The following SUPT3H variants were observed in gnomAD, a reference collection of about 807,000 sequenced individuals.
SUPT3H encodes transcription initiation protein SPT3 homolog.
Under a neutral mutation model 44.3 loss-of-function variants are expected in SUPT3H, and 44 were observed. That is an observed-to-expected ratio of 0.99 (90% CI 0.78 to 1.28). SUPT3H has a LOEUF of 1.28. Among genes scored for constraint, SUPT3H ranks in the 50% most tolerant of loss-of-function variants. The pLI is 0.00. For missense variants in SUPT3H, 380 were observed against 387.1 expected (o/e 0.98, Z 0.15); for synonymous variants, 124 against 125.6 (o/e 0.99, Z 0.09).
chr6:45,182,536 A>G (rs1813464146), intron 2 of SUPT3H, among the ~76,000 whole-genome samples: 1 of 152,252 alleles, frequency 6.6e-6, no homozygotes, highest in African/African-American at 2.4e-5. Context: ...GGCTGGGATT[A>G]CAGGCGTGAG....
rs1379646364 is a variant in SUPT3H, at chr6:44,870,046, A to G, written c.913-40189T>C. 2.0e-5 allele frequency among the ~76,000 whole-genome samples: 3 copies of G among 152,102 alleles called. No individual in the cohort carries two copies. The East Asian group carries it at 5.8e-4, about 29-fold the overall frequency. On this transcript the variant is annotated intron_variant, in intron 10 of 10. Transcript: ENST00000371459. ...CCAGTCTTTTGCCAATTATCAGCCA[A>G]TTTTGCTTTTTTTCCCCCAAAGAAT...
At chr6:45,308,738 T>C (rs1415712817) in intron 2 of SUPT3H, among the ~76,000 whole-genome samples, 1 of 94,210 alleles carries the variant, frequency 1.1e-5, no homozygotes, top group Non-Finnish European at 2.1e-5. Flanking sequence ...ACTTAAAGTA[T>C]AACAAAAAAA....
chr6:44,987,291 C>CG (rs1582914551), intron 6 of SUPT3H, among the ~76,000 whole-genome samples: 1 of 104,774 alleles, frequency 9.5e-6, no homozygotes, highest in East Asian at 2.8e-4. Flanking sequence ...ATAAATTGGG[C>CG]GGGGGGTGGG....
chr6:45,150,417 G>C (rs971863565), intron 2 of SUPT3H, among the ~76,000 whole-genome samples: 1 of 151,974 alleles, frequency 6.6e-6, no homozygotes, highest in East Asian at 1.9e-4. Context: ...GCTATCATAC[G>C]AAATACACAA....
At chr6:45,301,285 G>A (rs886570674) in intron 2 of SUPT3H, among the ~76,000 whole-genome samples, 1 of 152,198 alleles carries the variant, frequency 6.6e-6, no homozygotes, top group African/African-American at 2.4e-5. Context: ...TGGAAACACA[G>A]AGCAGGTACA....
chr6:44,972,912 T>C (rs1364076199), intron 6 of SUPT3H, among the ~76,000 whole-genome samples: 1 of 152,176 alleles, frequency 6.6e-6, no homozygotes, highest in African/African-American at 2.4e-5. Flanking sequence ...CATTTTTTCC[T>C]CCTACGCCTC....
At chr6:45,085,865 G>A (rs781518317) in intron 3 of SUPT3H, among the ~76,000 whole-genome samples, 6 of 151,904 alleles carry the variant, frequency 3.9e-5, no homozygotes, top group South Asian at 4.2e-4. Context: ...GGTATTACAC[G>A]AATTATAAAA....
chr6:45,014,054 G>A (rs998526425), intron 5 of SUPT3H, among the ~76,000 whole-genome samples: 3 of 151,974 alleles, frequency 2.0e-5, no homozygotes, highest in African/African-American at 4.8e-5. Flanking sequence ...GTTTCACTGG[G>A]GAGAGACTCT....
At chr6:45,348,735 A>G (rs1791436394) in intron 2 of SUPT3H, among the ~76,000 whole-genome samples, 1 of 152,006 alleles carries the variant, frequency 6.6e-6, no homozygotes, top group Non-Finnish European at 1.5e-5. Context: ...TAAATGAAAT[A>G]ATATATAGGA....
intron 2 of SUPT3H, among the ~76,000 whole-genome samples, chr6:45,327,216 G>A (rs1786504812): frequency 6.6e-6 from 1 of 151,748 alleles, no homozygotes; most frequent in Non-Finnish European, 1.5e-5. Flanking sequence ...TCTGTCTGTG[G>A]GCATTATTCC....
chr6:45,367,030 G>C (rs1795247240), intron 1 of SUPT3H, among the ~76,000 whole-genome samples: 1 of 152,176 alleles, frequency 6.6e-6, no homozygotes, highest in Non-Finnish European at 1.5e-5. Flanking sequence ...GGCTGAGATG[G>C]AAGGGCTGGG....
intron 2 of SUPT3H, among the ~76,000 whole-genome samples, chr6:45,190,406 G>C (rs1020877129): frequency 6.6e-6 from 1 of 151,842 alleles, no homozygotes; most frequent in Non-Finnish European, 1.5e-5. Context: ...CCAAGAATAA[G>C]ATAAACCAAA....
intron 2 of SUPT3H, among the ~76,000 whole-genome samples, chr6:45,315,431 G>GA (rs1208921106): frequency 6.6e-5 from 10 of 151,804 alleles, no homozygotes; most frequent in African/African-American, 2.4e-4. Context: ...AAATCAACAA[G>GA]AAAAATCAAT....
At chr6:44,868,551 G>C (rs1334091251) in intron 10 of SUPT3H, among the ~76,000 whole-genome samples, 1 of 131,690 alleles carries the variant, frequency 7.6e-6, no homozygotes, top group Non-Finnish European at 1.8e-5. Flanking sequence ...ATTTTGTCAT[G>C]CTATGGACTC....
intron 3 of SUPT3H, among the ~76,000 whole-genome samples, chr6:45,021,035 T>C (rs1424380809): frequency 6.6e-6 from 1 of 151,896 alleles, no homozygotes; most frequent in African/African-American, 2.4e-5. Context: ...CTGCTCTGAT[T>C]TGAAATAGGC....
chr6:45,142,665 G>A (rs947717656), intron 2 of SUPT3H, among the ~76,000 whole-genome samples: 8 of 146,508 alleles, frequency 5.5e-5, no homozygotes, highest in African/African-American at 2.0e-4. Flanking sequence ...GATCCTGGGA[G>A]GCGGAAGTTG....
intron 10 of SUPT3H, among the ~76,000 whole-genome samples, chr6:44,836,998 T>C (rs1052048692): frequency 6.6e-6 from 1 of 152,004 alleles, no homozygotes; most frequent in African/African-American, 2.4e-5. Context: ...TAAGTAAACA[T>C]TTTAGGTTCA....
At chr6:45,083,536 A>T (rs919556152) in intron 3 of SUPT3H, among the ~76,000 whole-genome samples, 3 of 152,106 alleles carry the variant, frequency 2.0e-5, no homozygotes, top group African/African-American at 7.2e-5. Context: ...AGCAGGGTAC[A>T]GATTCAATGT....
At chr6:45,277,220 A>C (rs1038595959) in intron 2 of SUPT3H, among the ~76,000 whole-genome samples, 1 of 152,194 alleles carries the variant, frequency 6.6e-6, no homozygotes, top group African/African-American at 2.4e-5. Flanking sequence ...CTTCATAGAA[A>C]TACTTTTCTC....
Sources: allele counts gnomAD v4.1 joint callset (sites outside exome capture counted in the v4.1 genomes callset), GRCh38; gene constraint gnomAD v4.1.1; transcripts MANE v1.5; gene names NCBI Gene and HGNC (gene_info 2026-07-23, HGNC 2026-07-21).